Variants in TP53BP1 observed in about 807,000 individuals in gnomAD.
TP53BP1 encodes tumor protein p53 binding protein 1, also known as TP53-binding protein 1.
A neutral mutation model predicts 200.8 loss-of-function variants in TP53BP1; 61 were observed. That is an observed-to-expected ratio of 0.30 (90% CI 0.25 to 0.38). TP53BP1 has a LOEUF of 0.38. Ranked by LOEUF, TP53BP1 falls within the 10% of genes least tolerant of loss-of-function variation. The pLI, the probability that TP53BP1 is intolerant of heterozygous loss-of-function variation, is 1.00. For missense variants in TP53BP1, 2,144 were observed against 2,371.9 expected, an observed-to-expected ratio of 0.90 and a Z score of 2.00; for synonymous variants, 822 against 844.3, an observed-to-expected ratio of 0.97 and a Z score of 0.46.
At position 43,423,291 on chromosome 15, in the gene TP53BP1, C is replaced by T. The variant is rs149004115; in HGVS notation, c.3829-1165G>A. On this transcript the variant is annotated intron_variant, in intron 18 of 27. Transcript: ENST00000382044. ...CTGCCTTCCTAGTCTAGAATGTTCA[C>T]GCAATATTATGTTAATTGCCAGAGA... Among the ~76,000 whole-genome samples, 213 of 151,120 alleles carry T rather than the reference C, an allele frequency of 1.4e-3. 2 individuals carry two copies. Among genetic ancestry groups the T allele is most frequent in the African/African-American group, 4.8e-3 (197 of 41,064 alleles).
In TP53BP1 at chr15:43,505,014, C is replaced by T. The variant is rs143022940; in HGVS notation, c.-9+5356G>A. ...CAGTCTGGGTGACAGAGCGAGACTC[C>T]GTTTCAAAAAATAAATAAATAAAAT... On this transcript the variant is annotated intron_variant, in intron 1 of 27. Transcript: ENST00000263801. Among the ~76,000 whole-genome samples, 9 of 151,614 alleles carry T rather than the reference C, an allele frequency of 5.9e-5. No homozygotes were observed. In the South Asian group the frequency reaches 8.4e-4, roughly 14 times the overall value.
At chr15:43,416,504 T>A in intron 21 of TP53BP1, 88 bp from the exon 22 acceptor site, 1 of 1,284,880 alleles carries the variant, frequency 7.8e-7, no homozygotes, top group Non-Finnish European at 1.1e-6. Flanking sequence ...CAGGCCTGAG[T>A]TAGGGAATTT....
At chr15:43,470,182 G>T (rs1156290781) in intron 10 of TP53BP1, 116 bp from the exon 11 acceptor site, 3 of 868,974 alleles carry the variant, frequency 3.5e-6, no homozygotes, top group African/African-American at 1.7e-5. Flanking sequence ...AAATAGTGAC[G>T]TAATTTTTCA....
intron 18 of TP53BP1, among the ~76,000 whole-genome samples, chr15:43,422,354 C>A (rs185440319): frequency 6.6e-6 from 1 of 150,820 alleles, no homozygotes; most frequent in Non-Finnish European, 1.5e-5. Context: ...TTTTTTTTCT[C>A]CCCCAGGTGA....
At chr15:43,474,021 G>T (rs1371609057) in intron 10 of TP53BP1, among the ~76,000 whole-genome samples, 1 of 152,242 alleles carries the variant, frequency 6.6e-6, no homozygotes, top group East Asian at 1.9e-4. Flanking sequence ...CTGCCCCACT[G>T]GAAGGCAGCT....
chr15:43,418,458 C>T (rs1398301973), intron 21 of TP53BP1, among the ~76,000 whole-genome samples: 2 of 150,338 alleles, frequency 1.3e-5, no homozygotes, highest in African/African-American at 4.9e-5. Context: ...GCCAAGATCA[C>T]GCCACTCACT....
At chr15:43,467,648 C>T (rs1031782631) in intron 11 of TP53BP1, among the ~76,000 whole-genome samples, 10 of 152,190 alleles carry the variant, frequency 6.6e-5, no homozygotes, top group African/African-American at 2.4e-4. Context: ...TCCACCCCCC[C>T]AACCAGCAGG....
intron 8 of TP53BP1, among the ~76,000 whole-genome samples, chr15:43,476,497 G>A (rs868739582): frequency 1.2e-4 from 18 of 152,194 alleles, no homozygotes; most frequent in Middle Eastern, 3.2e-3. Flanking sequence ...CTGCTCAAAG[G>A]AGTAAAAGGA....
chr15:43,492,052 C>T lies in TP53BP1; in HGVS notation c.236G>A (p.Gly79Glu). 1 of 1,614,112 alleles carries T rather than the reference C, an allele frequency of 6.2e-7. No individual in the cohort carries two copies. Among genetic ancestry groups the T allele is most frequent in the East Asian group, 2.2e-5 (1 of 44,872 alleles). ...NPEQTAGEER[G>E]DGNSGFNEHL... ...TTCATTGAACCCACTATTACCGTCTCCTCGTTCTTCTCCAGCTGTTTGTTC... is the reference window on the plus strand; with the variant it reads ...TTCATTGAACCCACTATTACCGTCTTCTCGTTCTTCTCCAGCTGTTTGTTC... Residue 79 changes from glycine (G) to glutamate (E), a missense_variant, in exon 3 of 28, where the codon GGA becomes GAA. Physicochemically the swap from Gly to Glu is moderately conservative, Grantham distance 98. This residue lies in a region of TP53BP1 where 1,700 missense variants were observed against 1,710.3 expected (regional missense o/e 0.99). Coordinates refer to ENST00000382044, the MANE Select transcript of TP53BP1 (RefSeq NM_001141980.3).
chr15:43,490,331 G>A (rs979835574), intron 4 of TP53BP1, among the ~76,000 whole-genome samples: 2 of 151,190 alleles, frequency 1.3e-5, no homozygotes, highest in East Asian at 1.9e-4. Flanking sequence ...CAGGTGATCC[G>A]CCCACCTCAG....
chr15:43,425,773 T>C (rs187723132), intron 18 of TP53BP1, among the ~76,000 whole-genome samples: 1 of 152,286 alleles, frequency 6.6e-6, no homozygotes, highest in Admixed American at 6.5e-5. Flanking sequence ...AAAATAGTAA[T>C]AACATGAAAA....
intron 24 of TP53BP1, 58 bp from the exon 25 acceptor site, chr15:43,409,799 C>T: frequency 1.2e-6 from 1 of 815,722 alleles, no homozygotes; most frequent in South Asian, 2.0e-5. Context: ...TATTTGCTAC[C>T]TTATGCCTCC....
intron 7 of TP53BP1, 46 bp from the exon 8 acceptor site, chr15:43,477,805 G>T: frequency 8.6e-6 from 12 of 1,391,806 alleles, no homozygotes; most frequent in East Asian, 5.0e-5. Flanking sequence ...AAGTTCAAAT[G>T]TTTTTAAATA....
intron 13 of TP53BP1, chr15:43,446,812 G>A: frequency 1.3e-6 from 2 of 1,489,894 alleles, no homozygotes; most frequent in South Asian, 1.2e-5. Flanking sequence ...TCTGCATCTG[G>A]ACAAAGGATG....
rs773095742 is a variant in TP53BP1, at chr15:43,480,025, C to A, written c.500-8G>T. The stretch of plus-strand genomic sequence containing the variant: ...ACTGTGATGAGGCAGTATCTAGGAA[C>A]AAAATGCCAAGAAATTAGGTATCAT... On this transcript the variant is annotated splice_polypyrimidine_tract_variant and splice_region_variant and intron_variant, in intron 5 of 27. Transcript: ENST00000382044. 5 of 1,613,276 alleles carry A rather than the reference C, an allele frequency of 3.1e-6. No homozygotes were observed. The East Asian group carries it at 8.9e-5, about 29-fold the overall frequency.
intron 3 of TP53BP1, 61 bp from the exon 4 acceptor site, chr15:43,491,814 T>C: frequency 7.2e-7 from 1 of 1,392,960 alleles, no homozygotes; most frequent in East Asian, 2.3e-5. Context: ...TAATACAAAA[T>C]CAGGAATACA....
rs2078955786 is a variant in TP53BP1 at position 43,480,920 on chromosome 15, A to G, written c.474T>C (p.Asn158=). The change falls in exon 5 of 28, where the codon AAT becomes AAC. Residue 158 remains asparagine (N), a synonymous_variant. Transcript: ENST00000382044. ...EKEKEEDTSG[N]TTHSLGAEDT... is the part of the protein sequence containing the mutation. The stretch of plus-strand genomic sequence containing the variant: ...CTTCAGCACCAAGGGAATGTGTAGT[A>G]TTGCCTGAAGTATCTTCTTCCTTCT... The G allele has an allele frequency of 6.2e-7, 1 of 1,614,140 alleles. No individual in the cohort carries two copies. The highest frequency in any genetic ancestry group is 1.3e-5 in the African/African-American group (1 of 75,042).
At chr15:43,463,777 C>A (rs2046495764) in intron 11 of TP53BP1, among the ~76,000 whole-genome samples, 1 of 152,294 alleles carries the variant, frequency 6.6e-6, no homozygotes, top group East Asian at 1.9e-4. Context: ...CCCTCCTCTG[C>A]CCTGGAGAGA....
chr15:43,432,454 T>A lies in TP53BP1; in HGVS notation c.3415A>T (p.Thr1139Ser), dbSNP rs1380980545. 1 of 1,614,224 alleles carries A rather than the reference T, an allele frequency of 6.2e-7. No homozygotes were observed. ...GCCTTACTAGGATTTTCCTTATTAG[T>A]ACTCCGTCCTTCTTTCTGGTCTTCT... The part of the protein sequence containing the change: ...VLEDQKEGRS[T>S]NKENPSKALI... Residue 1139 changes from threonine to serine, a missense_variant, in exon 17 of 28, where the codon ACT (threonine) becomes TCT (serine). Around this residue, in one of 4 missense-constraint regions of TP53BP1, gnomAD observed 1,700 missense variants for 1,710.3 expected, o/e 0.99. Coordinates refer to ENST00000382044, the MANE Select transcript of TP53BP1 (RefSeq NM_001141980.3).
Sources: allele counts gnomAD v4.1 joint callset (sites outside exome capture counted in the v4.1 genomes callset), GRCh38; gene constraint gnomAD v4.1.1; regional missense constraint gnomAD v4.1.1; transcripts MANE v1.5; gene names NCBI Gene and HGNC (gene_info 2026-07-23, HGNC 2026-07-21).